Variants in AGPS observed in about 807,000 individuals in gnomAD.
The protein encoded by AGPS is alkyldihydroxyacetonephosphate synthase, peroxisomal.
Under a neutral mutation model 90.7 loss-of-function variants are expected in AGPS, and 26 were observed. The ratio of observed to expected loss-of-function variants is 0.29; its 90% CI spans 0.21 to 0.40. The LOEUF is 0.40. Ranked by LOEUF, AGPS falls within the 10% of genes least tolerant of loss-of-function variation. The probability of loss-of-function intolerance (pLI) is 1.00; values close to 1 mark genes in which losing one functional copy is unlikely to be tolerated. For missense variants in AGPS, 540 were observed against 816.1 expected (o/e 0.66, Z 4.12); for synonymous variants, 294 against 285.3 (o/e 1.03, Z -0.31).
chr2:177,518,353 T>C (rs1283534182), intron 17 of AGPS, among the ~76,000 whole-genome samples: 2 of 152,048 alleles, frequency 1.3e-5, no homozygotes, highest in Non-Finnish European at 2.9e-5. Context: ...GGAGAATCGC[T>C]TGAACCCGGG....
chr2:177,423,823 A>G (rs928856055), intron 2 of AGPS, among the ~76,000 whole-genome samples: 3 of 152,184 alleles, frequency 2.0e-5, no homozygotes, highest in African/African-American at 7.2e-5. Context: ...ATAATTTATC[A>G]GTTTATAAAT....
At chr2:177,395,109 A>G (rs529293754) in intron 1 of AGPS, among the ~76,000 whole-genome samples, 3 of 152,308 alleles carry the variant, frequency 2.0e-5, no homozygotes, top group South Asian at 4.1e-4. Flanking sequence ...AAATGGTTTC[A>G]TGTACATTTA....
Position 177,423,709 on chromosome 2 carries a change from T to G in AGPS, c.350+3351T>G, listed in dbSNP as rs1005665614. 3.3e-5 allele frequency among the ~76,000 whole-genome samples: 5 copies of G among 152,208 alleles called. No homozygotes were observed. In the East Asian group the frequency reaches 9.6e-4, roughly 29 times the overall value. On this transcript the variant is annotated intron_variant, in intron 2 of 19. Transcript: ENST00000264167. ...TGACATTTCAAGCCCAGGCATTACA[T>G]TGTAAGCAATTATTAGAAGCTATTA...
rs186562985 is a variant in AGPS at position 177,439,569 on chromosome 2, T to C, written c.638-1396T>C. Among the ~76,000 whole-genome samples the C allele has an allele frequency of 1.2e-4, 18 of 152,292 alleles. No homozygotes were observed. The East Asian group carries it at 3.3e-3, about 28-fold the overall frequency. On this transcript the variant is annotated intron_variant, in intron 5 of 19. Coordinates refer to ENST00000264167, the MANE Select transcript of AGPS (RefSeq NM_003659.4). ...TAATCCAAAAGCTTGAAAATAGATA[T>C]TTATTAAAAATCGGAATGAAACAAA...
chr2:177,528,292 G>A (rs1259273697), intron 19 of AGPS, among the ~76,000 whole-genome samples: 1 of 152,086 alleles, frequency 6.6e-6, no homozygotes, highest in Non-Finnish European at 1.5e-5. Context: ...CTTGCTGCTC[G>A]ATTAATCTGT....
intron 3 of AGPS, 74 bp from the exon 4 acceptor site, chr2:177,436,690 G>C (rs1230354586): frequency 4.0e-5 from 57 of 1,431,434 alleles, no homozygotes; most frequent in Non-Finnish European, 5.3e-5. Context: ...ACATTTTATA[G>C]TCATTCTCTC....
chr2:177,526,852 G>A (rs76542912), intron 19 of AGPS, among the ~76,000 whole-genome samples: 13,851 of 152,212 alleles, frequency 0.091, 914 homozygotes, highest in East Asian at 0.36. Context: ...GTGAATATTT[G>A]CCTAGGTGTT....
At chr2:177,529,004 C>T (rs527909629) in intron 19 of AGPS, among the ~76,000 whole-genome samples, 170 of 151,644 alleles carry the variant, frequency 1.1e-3, no homozygotes, top group South Asian at 8.7e-3. Flanking sequence ...TACAGGCTCC[C>T]GCCACCACAC....
chr2:177,521,040 C>T (rs1689177962), intron 17 of AGPS, among the ~76,000 whole-genome samples: 1 of 152,190 alleles, frequency 6.6e-6, no homozygotes, highest in African/African-American at 2.4e-5. Flanking sequence ...TAATTTGGTA[C>T]TTCAGTGAAG....
At chr2:177,421,705 C>G (rs1259907456) in intron 2 of AGPS, among the ~76,000 whole-genome samples, 1 of 152,002 alleles carries the variant, frequency 6.6e-6, no homozygotes, top group African/African-American at 2.4e-5. Flanking sequence ...AATGTGGAAT[C>G]TTTTATGTTT....
chr2:177,531,661 A>G (rs2079138302), intron 19 of AGPS, among the ~76,000 whole-genome samples: 1 of 152,200 alleles, frequency 6.6e-6, no homozygotes. Context: ...TAAAATTTAT[A>G]TGGTAAGGAG....
rs116464631 is a variant in AGPS, at chr2:177,402,605, A to G, written c.260+9556A>G. On this transcript the variant is annotated intron_variant, in intron 1 of 19. Transcript: ENST00000264167. Reference sequence around the variant, plus strand: ...TTGAGAACTGGGGAAGCATTGATCTATCTCCTGTTACCTTTTCCCCACGAT... The same window carrying G: ...TTGAGAACTGGGGAAGCATTGATCTGTCTCCTGTTACCTTTTCCCCACGAT... 9.3e-4 allele frequency among the ~76,000 whole-genome samples: 141 copies of G among 152,260 alleles called. No homozygotes were observed. In the East Asian group the frequency reaches 0.015, roughly 16 times the overall value.
At chr2:177,513,681 C>T (rs947484950) in intron 16 of AGPS, 138 bp from the exon 17 acceptor site, 1 of 667,722 alleles carries the variant, frequency 1.5e-6, no homozygotes, top group East Asian at 2.8e-5. Context: ...GGCTCTTTTC[C>T]ATTCTTGAAA....
intron 14 of AGPS, among the ~76,000 whole-genome samples, chr2:177,502,885 A>G (rs1688601509): frequency 6.7e-6 from 1 of 150,208 alleles, no homozygotes; most frequent in African/African-American, 2.5e-5. Context: ...TTCCCACCTC[A>G]ATCCTCAATC....
intron 2 of AGPS, among the ~76,000 whole-genome samples, chr2:177,431,290 T>C (rs1035886539): frequency 3.3e-5 from 5 of 152,078 alleles, no homozygotes; most frequent in African/African-American, 1.2e-4. Context: ...GATCACATGC[T>C]TCAAAGGGCA....
At chr2:177,410,204 A>C (rs1216960174) in intron 1 of AGPS, among the ~76,000 whole-genome samples, 1 of 152,080 alleles carries the variant, frequency 6.6e-6, no homozygotes, top group Admixed American at 6.5e-5. Context: ...AGCATTTCTA[A>C]TGGAGGGTCC....
intron 15 of AGPS, among the ~76,000 whole-genome samples, chr2:177,506,665 C>T (rs1423941340): frequency 6.6e-6 from 1 of 151,776 alleles, no homozygotes; most frequent in Non-Finnish European, 1.5e-5. Context: ...TGTCCCCTGC[C>T]CCCACAGTGA....
intron 1 of AGPS, among the ~76,000 whole-genome samples, chr2:177,400,604 G>A (rs1472920537): frequency 6.6e-6 from 1 of 152,096 alleles, no homozygotes; most frequent in Non-Finnish European, 1.5e-5. Flanking sequence ...ATATCGTCTT[G>A]TCATTCACTA....
intron 14 of AGPS, among the ~76,000 whole-genome samples, chr2:177,503,333 T>C (rs1174352414): frequency 2.0e-5 from 3 of 152,228 alleles, no homozygotes; most frequent in African/African-American, 7.2e-5. Context: ...ACATTTACCA[T>C]AGAACTTAAG....
Sources: gnomAD v4.1 joint callset for allele counts (sites outside exome capture counted in the v4.1 genomes callset) on GRCh38, gnomAD v4.1.1 for gene constraint, MANE v1.5 for transcripts, NCBI Gene and HGNC (gene_info 2026-07-23, HGNC 2026-07-21) for gene names.